DENND1A: variants seen among roughly 807,000 people sequenced by gnomAD.
The protein encoded by DENND1A is DENN domain containing 1A, also known as DENN domain-containing protein 1A.
In DENND1A, 51 loss-of-function variants were observed where a neutral mutation model predicts 113.7. The observed-to-expected ratio is 0.45, with a 90% confidence interval of 0.36 to 0.57. The LOEUF is 0.57. Ranked by LOEUF, DENND1A falls within the 20% of genes least tolerant of loss-of-function variation. The pLI, the probability that DENND1A is intolerant of heterozygous loss-of-function variation, is 0.00. For missense variants in DENND1A, 1,258 were observed against 1,395.9 expected, an observed-to-expected ratio of 0.90 and a Z score of 1.57; for synonymous variants, 565 against 570.8, an observed-to-expected ratio of 0.99 and a Z score of 0.14.
chr9:123,452,431 T>A (rs1354869306), intron 16 of DENND1A, 84 bp from the exon 17 acceptor site: 4 of 1,095,002 alleles, frequency 3.7e-6, no homozygotes, highest in East Asian at 4.7e-5. Context: ...TCAATCGAGT[T>A]AAGCAACATT....
intron 2 of DENND1A, among the ~76,000 whole-genome samples, chr9:123,816,849 T>G (rs1194842086): frequency 6.6e-6 from 1 of 152,024 alleles, no homozygotes; most frequent in Non-Finnish European, 1.5e-5. Context: ...AAGAGGAAAA[T>G]AGAGAGGCAC....
intron 5 of DENND1A, among the ~76,000 whole-genome samples, chr9:123,692,071 G>T (rs908310029): frequency 1.3e-5 from 2 of 152,158 alleles, no homozygotes; most frequent in African/African-American, 4.8e-5. Context: ...TGACAAGCAG[G>T]CTCCCCCAAG....
At chr9:123,552,031 GAGAGAGAC>G (rs1221150177) in intron 13 of DENND1A, among the ~76,000 whole-genome samples, 2 of 144,006 alleles carry the variant, frequency 1.4e-5, no homozygotes, top group Admixed American at 6.8e-5. Flanking sequence ...GAGAGAGAGA[GAGAGAGAC>G]AGAGAGAGAG....
intron 5 of DENND1A, among the ~76,000 whole-genome samples, chr9:123,737,254 G>A (rs2068634283): frequency 6.6e-6 from 1 of 152,154 alleles, no homozygotes; most frequent in Non-Finnish European, 1.5e-5. Context: ...GAGTGCAGTG[G>A]TGCAATCATA....
intron 1 of DENND1A, among the ~76,000 whole-genome samples, chr9:123,916,630 C>A (rs960229425): frequency 1.3e-5 from 2 of 152,046 alleles, no homozygotes; most frequent in African/African-American, 4.8e-5. Context: ...GCCTTGGCCA[C>A]CCAGAGTGCT....
intron 13 of DENND1A, among the ~76,000 whole-genome samples, chr9:123,467,785 G>T (rs1305110366): frequency 1.3e-5 from 2 of 152,144 alleles, no homozygotes; most frequent in East Asian, 3.9e-4. Flanking sequence ...TGCAGGTGGG[G>T]CCAGCCTGGT....
intron 10 of DENND1A, among the ~76,000 whole-genome samples, chr9:123,618,263 T>C (rs954291144): frequency 6.6e-6 from 1 of 152,230 alleles, no homozygotes; most frequent in Admixed American, 6.5e-5. Flanking sequence ...CTCTGCCTTA[T>C]GGGTGAACTA....
chr9:123,548,396 C>T (rs1026603815), intron 13 of DENND1A, among the ~76,000 whole-genome samples: 2 of 152,194 alleles, frequency 1.3e-5, no homozygotes, highest in Non-Finnish European at 2.9e-5. Context: ...GAAAATAAAA[C>T]AAATGTTTCA....
At chr9:123,420,326 C>T (rs903834187) in intron 19 of DENND1A, among the ~76,000 whole-genome samples, 1 of 152,216 alleles carries the variant, frequency 6.6e-6, no homozygotes, top group African/African-American at 2.4e-5. Context: ...AGGTAGGACG[C>T]AGAGAGGTCG....
At chr9:123,727,464 A>G (rs1218273444) in intron 5 of DENND1A, among the ~76,000 whole-genome samples, 2 of 152,236 alleles carry the variant, frequency 1.3e-5, no homozygotes, top group African/African-American at 4.8e-5. Flanking sequence ...TCCAGAGAAC[A>G]GCACTTTTCC....
chr9:123,693,271 A>C (rs188883588), intron 5 of DENND1A, among the ~76,000 whole-genome samples: 5 of 152,308 alleles, frequency 3.3e-5, no homozygotes, highest in Admixed American at 1.3e-4. Context: ...CACAGCACTG[A>C]GATCATCTGT....
chr9:123,835,735 C>A (rs1368081818), intron 2 of DENND1A, among the ~76,000 whole-genome samples: 4 of 151,594 alleles, frequency 2.6e-5, no homozygotes, highest in South Asian at 4.2e-4. Flanking sequence ...CTCCACCACA[C>A]ACTTCGTTCA....
intron 2 of DENND1A, among the ~76,000 whole-genome samples, chr9:123,855,766 G>A (rs988860557): frequency 2.0e-5 from 3 of 152,150 alleles, no homozygotes; most frequent in Admixed American, 6.5e-5. Flanking sequence ...GTCCAGGTGC[G>A]GCGGCTCACA....
At chr9:123,495,141 TTCTCTCTC>T (rs56390148) in intron 13 of DENND1A, among the ~76,000 whole-genome samples, 84,161 of 140,818 alleles carry the variant, frequency 0.6, 26,414 homozygotes, top group East Asian at 0.73. Flanking sequence ...CATTGTCTCT[TTCTCTCTC>T]TCTCTCTCTC....
At chr9:123,500,594 T>C (rs900835123) in intron 13 of DENND1A, among the ~76,000 whole-genome samples, 2 of 152,214 alleles carry the variant, frequency 1.3e-5, no homozygotes, top group African/African-American at 2.4e-5. Flanking sequence ...CTCCCCCTTC[T>C]GGGTCACTTG....
chr9:123,540,362 A>G (rs541165492), intron 13 of DENND1A, among the ~76,000 whole-genome samples: 1 of 152,312 alleles, frequency 6.6e-6, no homozygotes, highest in Admixed American at 6.5e-5. Context: ...GGTACTTGGA[A>G]CCCAGGTCTG....
At chr9:123,685,471 GA>G (rs2064751628) in intron 5 of DENND1A, among the ~76,000 whole-genome samples, 1 of 152,146 alleles carries the variant, frequency 6.6e-6, no homozygotes, top group South Asian at 2.1e-4. Flanking sequence ...GCATTATGAA[GA>G]AACACCAAAA....
chr9:123,743,915 T>C (rs1024349481), intron 5 of DENND1A, among the ~76,000 whole-genome samples: 6 of 152,096 alleles, frequency 3.9e-5, no homozygotes, highest in African/African-American at 1.4e-4. Flanking sequence ...TGAACACAGT[T>C]CTGATTTCAG....
At chr9:123,384,036 T>A in intron 22 of DENND1A, 123 bp from the exon 23 acceptor site, 3 of 1,312,062 alleles carry the variant, frequency 2.3e-6, no homozygotes, top group Non-Finnish European at 3.1e-6. Context: ...GACAGGAGAG[T>A]GTCCCGGGGT....
Sources: gnomAD v4.1 joint callset for allele counts (sites outside exome capture counted in the v4.1 genomes callset) on GRCh38, gnomAD v4.1.1 for gene constraint, MANE v1.5 for transcripts, NCBI Gene and HGNC (gene_info 2026-07-23, HGNC 2026-07-21) for gene names.